Variants in MGAT5B observed in about 807,000 individuals in gnomAD.
The protein encoded by MGAT5B is alpha-1,6-mannosylglycoprotein 6-beta-N-acetylglucosaminyltransferase B.
A neutral mutation model predicts 95.1 loss-of-function variants in MGAT5B; 54 were observed. The ratio of observed to expected loss-of-function variants is 0.57; its 90% CI spans 0.46 to 0.71. The LOEUF is 0.71. Among genes scored for constraint, MGAT5B ranks in the 30% least tolerant of loss-of-function variants. The probability of loss-of-function intolerance (pLI) is 0.00; values close to 1 mark genes in which losing one functional copy is unlikely to be tolerated. For missense variants in MGAT5B, 935 were observed against 1,088.6 expected (o/e 0.86, Z 1.99); for synonymous variants, 464 against 451.0 (o/e 1.03, Z -0.36).
intron 2 of MGAT5B, among the ~76,000 whole-genome samples, chr17:76,880,452 G>A (rs1386479239): frequency 1.3e-5 from 2 of 152,162 alleles, no homozygotes; most frequent in East Asian, 1.9e-4. Context: ...GGGAAGAAGG[G>A]CAGAACCAAA....
chr17:76,888,432 G>A (rs139434699), intron 3 of MGAT5B, among the ~76,000 whole-genome samples: 7 of 152,262 alleles, frequency 4.6e-5, no homozygotes, highest in Admixed American at 3.3e-4. Flanking sequence ...CCCGGTATGC[G>A]TGTCTGTAGG....
At position 76,938,616 on chromosome 17, in the gene MGAT5B, C is replaced by T. The variant is rs914903623; in HGVS notation, c.1584+473C>T. Among the ~76,000 whole-genome samples the T allele has an allele frequency of 1.3e-5, 2 of 152,182 alleles. No homozygotes were observed. The highest frequency in any genetic ancestry group is 2.9e-5 in the Non-Finnish European group (2 of 68,032). On this transcript the variant is annotated intron_variant, in intron 13 of 17. Coordinates refer to ENST00000569840, the MANE Select transcript of MGAT5B (RefSeq NM_001199172.2). This position sits in a 1 kb window ranked among gnomAD's most constrained non-coding sequence, Gnocchi z 4.3. The stretch of plus-strand genomic sequence containing the variant: ...GCAGCAGTTGACACAGTGGGCAAAA[C>T]CCTGACTGGACCCTGGAGTATCAGC...
chr17:76,910,975 C>T (rs1968712109), intron 8 of MGAT5B, among the ~76,000 whole-genome samples: 1 of 152,242 alleles, frequency 6.6e-6, no homozygotes, highest in African/African-American at 2.4e-5. Flanking sequence ...AGCAAAACCA[C>T]CCTCCCCAGG....
chr17:76,909,722 C>A lies in MGAT5B; in HGVS notation c.1025+3535C>A, dbSNP rs1304782174. The stretch of plus-strand genomic sequence containing the variant: ...CTCCGATCAGAGGGAGGAGTCTGGG[C>A]CAGCTGTATTGAGTAGTGGGAGAAG... On this transcript the variant is annotated intron_variant, in intron 8 of 17. Transcript: ENST00000569840. Among the ~76,000 whole-genome samples, 6 of 152,228 alleles carry A rather than the reference C, an allele frequency of 3.9e-5. No homozygotes were observed. The South Asian group carries it at 6.2e-4, about 16-fold the overall frequency.
Position 76,869,185 on chromosome 17 carries a change from G to T in MGAT5B, c.68+88G>T. On this transcript the variant is annotated intron_variant, in intron 1 of 17. Transcript: ENST00000569840. The surrounding 1 kb of genome is among the most constrained non-coding windows in gnomAD (Gnocchi z 7.0). The stretch of plus-strand genomic sequence containing the variant: ...GGTTCCTGCGAACGTTCAAGTCCTG[G>T]TGGCAGAGGGGGCGGTTCACACTTC... The T allele has an allele frequency of 1.7e-6, 2 of 1,176,996 alleles. No individual in the cohort carries two copies. Among genetic ancestry groups the T allele is most frequent in the Non-Finnish European group, 1.3e-6 (1 of 783,912 alleles). The allele number at this position is 1,176,996 out of a possible 1,614,324, so 72.9% of individuals were successfully genotyped here. A position where few individuals can be genotyped will look rare whatever the true frequency, so the allele number is the denominator to read the frequency against.
At chr17:76,927,204 G>T (rs980224946) in intron 10 of MGAT5B, among the ~76,000 whole-genome samples, 2 of 152,050 alleles carry the variant, frequency 1.3e-5, no homozygotes, top group Non-Finnish European at 2.9e-5. Flanking sequence ...AGGGCTCCAG[G>T]CAAGGAACGT....
In MGAT5B at chr17:76,882,174, G is replaced by A. The variant is rs765152905; in HGVS notation, c.205G>A (p.Gly69Ser). The change falls in exon 3 of 18, where the codon GGC becomes AGC. Residue 69 changes from glycine to serine, a missense_variant. By Grantham distance (56) the Gly-to-Ser change is moderately conservative. Around this residue, in one of 4 missense-constraint regions of MGAT5B, gnomAD observed 243 missense variants for 228.2 expected, o/e 1.06. Coordinates refer to ENST00000569840, the MANE Select transcript of MGAT5B (RefSeq NM_001199172.2). ...AGTGATGGGGGGCCCCGAGTCCCGC[G>A]GCGTCCTGCGCAAGATGAGCGACCT... ...TEVMGGPESR[G>S]VLRKMSDLLE... The A allele has an allele frequency of 2.2e-5, 35 of 1,612,220 alleles. No homozygotes were observed. The highest frequency in any genetic ancestry group is 1.6e-4 in the Middle Eastern group (1 of 6,076).
chr17:76,938,206 C>A lies in MGAT5B; in HGVS notation c.1584+63C>A. Reference sequence around the variant, plus strand: ...GGCTGCAGACACTGAGGTCACCACCCATGCCTGCCACCACCACTCAGGCCC... The same window carrying A: ...GGCTGCAGACACTGAGGTCACCACCAATGCCTGCCACCACCACTCAGGCCC... On this transcript the variant is annotated intron_variant, in intron 13 of 17. Coordinates refer to ENST00000569840, the MANE Select transcript of MGAT5B (RefSeq NM_001199172.2). The surrounding 1 kb of genome is among the most constrained non-coding windows in gnomAD (Gnocchi z 4.3). 6.3e-7 allele frequency: 1 copy of A among 1,580,786 alleles called. No homozygotes were observed. The highest frequency in any genetic ancestry group is 8.6e-7 in the Non-Finnish European group (1 of 1,157,712).
chr17:76,924,179 T>C (rs1969216263), intron 8 of MGAT5B: 1 of 152,142 alleles, frequency 6.6e-6, no homozygotes, highest in Non-Finnish European at 1.5e-5. Flanking sequence ...GGAGGTGGAC[T>C]GAGCAGATGT....
chr17:76,887,960 A>G (rs1967722948), intron 3 of MGAT5B, among the ~76,000 whole-genome samples: 1 of 151,334 alleles, frequency 6.6e-6, no homozygotes, highest in African/African-American at 2.4e-5. Context: ...AGGTCCTTCC[A>G]TTGGCCCCAC....
intron 3 of MGAT5B, among the ~76,000 whole-genome samples, chr17:76,895,178 G>C (rs886946067): frequency 6.6e-6 from 1 of 152,006 alleles, no homozygotes; most frequent in Non-Finnish European, 1.5e-5. Flanking sequence ...ACATGTGAGG[G>C]ATCAAGGTTG....
At chr17:76,884,969 C>T (rs1967570055) in intron 3 of MGAT5B, among the ~76,000 whole-genome samples, 1 of 151,834 alleles carries the variant, frequency 6.6e-6, no homozygotes, top group Non-Finnish European at 1.5e-5. Context: ...AACTCCTGAC[C>T]TCAGGTGATC....
chr17:76,915,351 C>T lies in MGAT5B; in HGVS notation c.1025+9164C>T, dbSNP rs941816542. On this transcript the variant is annotated intron_variant, in intron 8 of 17. Coordinates refer to ENST00000569840, the MANE Select transcript of MGAT5B (RefSeq NM_001199172.2). This position sits in a 1 kb window ranked among gnomAD's most constrained non-coding sequence, Gnocchi z 8.7. ...GGGGTGGGGGGCCTGGGCTGGGGGC[C>T]GGGGATCGGGCACTCCTCTCTGACG... is the stretch of plus-strand genomic sequence containing the variant. Among the ~76,000 whole-genome samples, 14 of 146,660 alleles carry T rather than the reference C, an allele frequency of 9.5e-5. No homozygotes were observed. The East Asian group carries it at 1.1e-3, about 11-fold the overall frequency.
intron 3 of MGAT5B, among the ~76,000 whole-genome samples, chr17:76,891,607 T>A (rs1967871792): frequency 6.6e-6 from 1 of 152,242 alleles, no homozygotes; most frequent in Non-Finnish European, 1.5e-5. Flanking sequence ...CTCAAACTCC[T>A]GAGCTCAGGC....
chr17:76,908,458 G>A (rs1485548922), intron 8 of MGAT5B, among the ~76,000 whole-genome samples: 2 of 151,482 alleles, frequency 1.3e-5, no homozygotes, highest in Non-Finnish European at 2.9e-5. Context: ...GTGGAGACAG[G>A]GTTTCACTAT....
intron 11 of MGAT5B, among the ~76,000 whole-genome samples, 158 bp downstream of exon 11, chr17:76,932,933 C>G (rs1012012197): frequency 1.3e-5 from 2 of 152,242 alleles, no homozygotes; most frequent in African/African-American, 4.8e-5. Flanking sequence ...CAAAAAGTTC[C>G]TAACTGCTAT....
chr17:76,876,484 G>A (rs1297781782), intron 2 of MGAT5B, among the ~76,000 whole-genome samples: 2 of 152,066 alleles, frequency 1.3e-5, no homozygotes, highest in Admixed American at 6.6e-5. Context: ...AATTGCATTG[G>A]TCAACAAAAC....
chr17:76,938,197 G>A lies in MGAT5B; in HGVS notation c.1584+54G>A. On this transcript the variant is annotated intron_variant, in intron 13 of 17. Coordinates refer to ENST00000569840, the MANE Select transcript of MGAT5B (RefSeq NM_001199172.2). This position sits in a 1 kb window ranked among gnomAD's most constrained non-coding sequence, Gnocchi z 4.3. ...ACACTTGCCGGCTGCAGACACTGAG[G>A]TCACCACCCATGCCTGCCACCACCA... 1 of 1,598,324 alleles carries A rather than the reference G, an allele frequency of 6.3e-7. No homozygotes were observed. Among genetic ancestry groups the A allele is most frequent in the Non-Finnish European group, 8.5e-7 (1 of 1,170,278 alleles).
intron 9 of MGAT5B, 27 bp downstream of exon 9, chr17:76,925,124 C>A (rs374764742): frequency 6.2e-7 from 1 of 1,609,444 alleles, no homozygotes; most frequent in Non-Finnish European, 8.5e-7. Context: ...AGGGTGGGCA[C>A]GTGGCCCACA....
Sources: gnomAD v4.1 joint callset for allele counts (sites outside exome capture counted in the v4.1 genomes callset) on GRCh38, gnomAD v4.1.1 for gene constraint, gnomAD v4.1.1 regional missense constraint, Gnocchi (gnomAD v3.1) non-coding constraint, MANE v1.5 for transcripts, NCBI Gene and HGNC (gene_info 2026-07-23, HGNC 2026-07-21) for gene names.